The following LRRC20 variants were observed in gnomAD, a reference collection of about 807,000 sequenced individuals.
LRRC20 encodes leucine rich repeat containing 20, also known as leucine-rich repeat-containing protein 20.
A neutral mutation model predicts 14.4 loss-of-function variants in LRRC20; 11 were observed. That is an observed-to-expected ratio of 0.77 (90% CI 0.48 to 1.27). The LOEUF is 1.27. Among genes scored for constraint, LRRC20 ranks in the 50% most tolerant of loss-of-function variants. LRRC20 has a pLI of 0.00. For missense variants in LRRC20, 219 were observed against 251.2 expected, an observed-to-expected ratio of 0.87 and a Z score of 0.87; for synonymous variants, 121 against 107.3, an observed-to-expected ratio of 1.13 and a Z score of -0.79.
At position 70,341,990 on chromosome 10, in the gene LRRC20, A is replaced by AGG. The variant is rs575143067; in HGVS notation, c.83-1290_83-1289dup. On this transcript the variant is annotated intron_variant, in intron 2 of 4. Transcript: ENST00000446961. The stretch of plus-strand genomic sequence containing the variant: ...GATGGAGGGTGGGGGAGTTCTTTGT[A>AGG]GGGGTAATAAAAATGTTCTAAGATT... Among the ~76,000 whole-genome samples the AGG allele has an allele frequency of 5.3e-5, 8 of 151,958 alleles. No homozygotes were observed. In the South Asian group the frequency reaches 1.2e-3, roughly 24 times the overall value.
intron 4 of LRRC20, among the ~76,000 whole-genome samples, chr10:70,322,572 C>A (rs576378620): frequency 6.6e-6 from 1 of 152,248 alleles, no homozygotes; most frequent in East Asian, 1.9e-4. Context: ...TACTCAGAGG[C>A]CCCAGTGACC....
intron 4 of LRRC20, among the ~76,000 whole-genome samples, chr10:70,309,090 C>T (rs1264456249): frequency 6.6e-6 from 1 of 152,174 alleles, no homozygotes; most frequent in Non-Finnish European, 1.5e-5. Context: ...GCAGCCATTC[C>T]CCAGCGGCAC....
intron 3 of LRRC20, among the ~76,000 whole-genome samples, chr10:70,327,885 T>C (rs1842388012): frequency 6.6e-6 from 1 of 152,188 alleles, no homozygotes; most frequent in Non-Finnish European, 1.5e-5. Flanking sequence ...GGGCTCTGCA[T>C]TTGTCCCCTC....
chr10:70,300,883 G>A lies in LRRC20; in HGVS notation c.*471C>T, dbSNP rs936326126. 4.9e-5 allele frequency: 48 copies of A among 987,672 alleles called. No individual in the cohort carries two copies. The highest frequency in any genetic ancestry group is 1.2e-4 in the Admixed American group (2 of 16,334). 61.2% of individuals were successfully genotyped at this position (987,672 alleles called of 1,614,324 possible). On this transcript the variant is annotated 3_prime_UTR_variant, in exon 5 of 5. Coordinates refer to ENST00000446961, the MANE Select transcript of LRRC20 (RefSeq NM_001278212.2). Reference sequence around the variant, plus strand: ...GTTCTCAGGAAGCAATAAATAGATGGAGGTTGTCTTCTCTTCTCAGGGCAG... The same window carrying A: ...GTTCTCAGGAAGCAATAAATAGATGAAGGTTGTCTTCTCTTCTCAGGGCAG...
In LRRC20 at chr10:70,369,942, T is replaced by C. The variant is rs200652024; in HGVS notation, c.82+6510A>G. On this transcript the variant is annotated intron_variant, in intron 2 of 4. Transcript: ENST00000446961. ...TAAATATACAAAAGTTAGCTGGGCA[T>C]GGTGGCAGGTGCCCAGCTAATTTTT... is the stretch of plus-strand genomic sequence containing the variant. 3.9e-4 allele frequency among the ~76,000 whole-genome samples: 60 copies of C among 152,138 alleles called. No individual in the cohort carries two copies. The East Asian group carries it at 9.9e-3, about 25-fold the overall frequency.
intron 4 of LRRC20, among the ~76,000 whole-genome samples, chr10:70,304,507 T>TATATA (rs1491241599): frequency 8.9e-5 from 12 of 134,796 alleles, no homozygotes; most frequent in South Asian, 2.3e-4. Context: ...TATATATATA[T>TATATA]TTTACTAAGC....
In LRRC20 at chr10:70,327,914, C is replaced by T. The variant is rs143317465; in HGVS notation, c.233-3884G>A. ...TCCCCTCCCTAAGAGAAGCAGGCCA[C>T]GCTGGCACCTCACTTCATCCAGTTT... On this transcript the variant is annotated intron_variant, in intron 3 of 4. Transcript: ENST00000446961. 2.2e-3 allele frequency among the ~76,000 whole-genome samples: 342 copies of T among 152,306 alleles called. 2 individuals are homozygous for T. The highest frequency in any genetic ancestry group is 7.5e-3 in the African/African-American group (311 of 41,542).
intron 2 of LRRC20, among the ~76,000 whole-genome samples, chr10:70,350,158 T>C (rs1463156188): frequency 6.7e-6 from 1 of 150,256 alleles, no homozygotes; most frequent in Admixed American, 6.6e-5. Flanking sequence ...CCGACAGGGG[T>C]CAGGAATGGC....
intron 4 of LRRC20, among the ~76,000 whole-genome samples, chr10:70,317,890 G>A (rs1473388770): frequency 6.6e-6 from 1 of 152,238 alleles, no homozygotes; most frequent in Non-Finnish European, 1.5e-5. Flanking sequence ...GCAGGAGGCA[G>A]AGCTTTGGGT....
At position 70,299,479 on chromosome 10, in the gene LRRC20, G is replaced by C. The variant is rs1163761683; in HGVS notation, c.*1875C>G. ...CAGCTGGGGGTCTTGCTAAAATGCA[G>C]GGTCTGAGTCGGGAGGTATAGGGTG... On this transcript the variant is annotated 3_prime_UTR_variant, in exon 5 of 5. Transcript: ENST00000446961. 1 of 152,272 alleles carries C rather than the reference G, an allele frequency of 6.6e-6. No homozygotes were observed. The highest frequency in any genetic ancestry group is 1.5e-5 in the Non-Finnish European group (1 of 68,094). 9.4% of individuals were successfully genotyped at this position (152,272 alleles called of 1,614,324 possible). A position where few individuals can be genotyped will look rare whatever the true frequency, so the allele number is the denominator to read the frequency against.
intron 4 of LRRC20, among the ~76,000 whole-genome samples, chr10:70,322,230 C>T (rs1842112833): frequency 1.3e-5 from 2 of 152,238 alleles, no homozygotes; most frequent in South Asian, 4.1e-4. Flanking sequence ...TGTGAGCCTT[C>T]CAAGGCCACA....
chr10:70,364,007 A>G (rs1402407329), intron 2 of LRRC20, among the ~76,000 whole-genome samples: 2 of 152,248 alleles, frequency 1.3e-5, no homozygotes, highest in Non-Finnish European at 2.9e-5. Context: ...GCAGAGAGCC[A>G]AGGATGGCAG....
chr10:70,322,537 G>A (rs1452850905), intron 4 of LRRC20, among the ~76,000 whole-genome samples: 1 of 152,180 alleles, frequency 6.6e-6, no homozygotes, highest in Non-Finnish European at 1.5e-5. Context: ...CTTCTGCTCT[G>A]GGCAGGCTCC....
intron 3 of LRRC20, among the ~76,000 whole-genome samples, chr10:70,338,901 T>G (rs1244741479): frequency 6.6e-6 from 1 of 152,214 alleles, no homozygotes; most frequent in African/African-American, 2.4e-5. Flanking sequence ...CCTCAGGGGA[T>G]CCACCTGCCT....
At chr10:70,375,675 T>G (rs1435158369) in intron 2 of LRRC20, among the ~76,000 whole-genome samples, 1 of 152,202 alleles carries the variant, frequency 6.6e-6, no homozygotes, top group African/African-American at 2.4e-5. Flanking sequence ...AAGGCAGGAC[T>G]GTGCTCCAGG....
At chr10:70,329,288 A>T (rs533236823) in intron 3 of LRRC20, among the ~76,000 whole-genome samples, 1 of 152,372 alleles carries the variant, frequency 6.6e-6, no homozygotes, top group South Asian at 2.1e-4. Flanking sequence ...GAAAAAAACC[A>T]GTTCGGCAAA....
intron 4 of LRRC20, among the ~76,000 whole-genome samples, chr10:70,305,569 A>T (rs571613906): frequency 6.6e-6 from 1 of 152,142 alleles, no homozygotes; most frequent in Non-Finnish European, 1.5e-5. Context: ...TGTCTTTAGG[A>T]CTTTCAGTTT....
chr10:70,361,941 C>G (rs1843738542), intron 2 of LRRC20, among the ~76,000 whole-genome samples: 1 of 152,228 alleles, frequency 6.6e-6, no homozygotes, highest in African/African-American at 2.4e-5. Context: ...AATCCCAACA[C>G]TTTGGGAGGC....
intron 2 of LRRC20, among the ~76,000 whole-genome samples, chr10:70,367,999 T>TTATGTTATGTTATGTTATGTTATG (rs1844094441): frequency 1.6e-4 from 23 of 145,934 alleles, no homozygotes; most frequent in South Asian, 2.2e-4. Context: ...TATGTTATTT[T>TTATGTTATGTTATGTTATGTTATG]TTGAGATGGA....
Sources: allele counts gnomAD v4.1 joint callset (sites outside exome capture counted in the v4.1 genomes callset), GRCh38; gene constraint gnomAD v4.1.1; transcripts MANE v1.5; gene names NCBI Gene and HGNC (gene_info 2026-07-23, HGNC 2026-07-21).